The following ZCCHC7 variants were observed in gnomAD, a reference collection of about 807,000 sequenced individuals.
ZCCHC7 encodes zinc finger CCHC-type containing 7.
A neutral mutation model predicts 52.0 loss-of-function variants in ZCCHC7; 35 were observed. The observed-to-expected ratio is 0.67, with a 90% CI of 0.51 to 0.89. The LOEUF is 0.89. Ranked by LOEUF, ZCCHC7 falls within the 40% of genes least tolerant of loss-of-function variation. The pLI, the probability that ZCCHC7 is intolerant of heterozygous loss-of-function variation, is 0.00. For missense variants in ZCCHC7, 574 were observed against 649.1 expected, an observed-to-expected ratio of 0.88 and a Z score of 1.26; for synonymous variants, 217 against 221.5, an observed-to-expected ratio of 0.98 and a Z score of 0.18.
In ZCCHC7 at chr9:37,335,707, A is replaced by G. The variant is rs1054433963; in HGVS notation, c.987+7873A>G. 2.0e-5 allele frequency among the ~76,000 whole-genome samples: 3 copies of G among 152,116 alleles called. 1 individual carries two copies. In the South Asian group the frequency reaches 6.2e-4, roughly 31 times the overall value. ...GACCTCTTTACTCTGTCTCCTAACA[A>G]TGTTTCCTTCTTATATTTATTGAAG... On this transcript the variant is annotated intron_variant, in intron 6 of 8. Coordinates refer to ENST00000336755, the MANE Select transcript of ZCCHC7 (RefSeq NM_032226.3).
intron 5 of ZCCHC7, among the ~76,000 whole-genome samples, chr9:37,306,171 G>A (rs993163100): frequency 1.3e-5 from 2 of 151,896 alleles, no homozygotes; most frequent in Admixed American, 6.6e-5. Flanking sequence ...GGGTTCCAGC[G>A]ATTCTCCTGC....
intron 2 of ZCCHC7, among the ~76,000 whole-genome samples, chr9:37,279,809 T>G (rs943930980): frequency 1.3e-5 from 2 of 152,026 alleles, no homozygotes; most frequent in African/African-American, 2.4e-5. Flanking sequence ...AGTAGTCATA[T>G]TAATCAGGTA....
chr9:37,185,383 TTAAA>T (rs1051476307), intron 2 of ZCCHC7, among the ~76,000 whole-genome samples: 3 of 152,248 alleles, frequency 2.0e-5, no homozygotes, highest in African/African-American at 4.8e-5. Context: ...TTTAGAGCCT[TTAAA>T]TAAATAAGAT....
At chr9:37,228,631 A>G (rs940996392) in intron 2 of ZCCHC7, among the ~76,000 whole-genome samples, 1 of 151,932 alleles carries the variant, frequency 6.6e-6, no homozygotes, top group African/African-American at 2.4e-5. Flanking sequence ...GCCTTCCCAA[A>G]GTGCTGTGAT....
chr9:37,127,033 G>GT (rs1165333829), intron 2 of ZCCHC7, 91 bp downstream of exon 2: 3 of 1,446,760 alleles, frequency 2.1e-6, no homozygotes, highest in East Asian at 4.6e-5. Flanking sequence ...GGTCTACTCC[G>GT]TTTAATTCCT....
At chr9:37,134,772 C>T (rs151249342) in intron 2 of ZCCHC7, among the ~76,000 whole-genome samples, 102 of 152,302 alleles carry the variant, frequency 6.7e-4, no homozygotes, top group African/African-American at 2.4e-3. Flanking sequence ...GTTGCCCAGG[C>T]TGGAGTGCAA....
Position 37,316,499 on chromosome 9 carries a change from A to G in ZCCHC7, c.951+10785A>G, listed in dbSNP as rs1829829586. On this transcript the variant is annotated intron_variant, in intron 5 of 8. Coordinates refer to ENST00000336755, the MANE Select transcript of ZCCHC7 (RefSeq NM_032226.3). ...ACTACCCTGCCCAGCTGCTTTTTCT[A>G]TTTTTAGTACAGATGGGGTTTCGCC... 2.0e-5 allele frequency among the ~76,000 whole-genome samples: 3 copies of G among 148,064 alleles called. No homozygotes were observed. In the East Asian group the frequency reaches 5.9e-4, roughly 29 times the overall value.
chr9:37,213,195 C>A (rs973856780), intron 2 of ZCCHC7, among the ~76,000 whole-genome samples: 1 of 152,112 alleles, frequency 6.6e-6, no homozygotes, highest in African/African-American at 2.4e-5. Context: ...TGAGCTTCAA[C>A]TTTTTTTGAA....
At chr9:37,190,466 A>T (rs1822962281) in intron 2 of ZCCHC7, among the ~76,000 whole-genome samples, 1 of 152,186 alleles carries the variant, frequency 6.6e-6, no homozygotes, top group Admixed American at 6.5e-5. Flanking sequence ...GGGGAAAAAT[A>T]CTAAATCATC....
At chr9:37,220,385 A>G (rs550923573) in intron 2 of ZCCHC7, among the ~76,000 whole-genome samples, 16 of 152,234 alleles carry the variant, frequency 1.1e-4, no homozygotes, top group African/African-American at 3.6e-4. Context: ...TACCAAAAAT[A>G]TAAAAAATTA....
At chr9:37,278,690 T>G (rs1170948166) in intron 2 of ZCCHC7, among the ~76,000 whole-genome samples, 1 of 152,142 alleles carries the variant, frequency 6.6e-6, no homozygotes, top group African/African-American at 2.4e-5. Context: ...AATAAAAATC[T>G]TATAAATAGT....
At chr9:37,194,600 A>G (rs1392622072) in intron 2 of ZCCHC7, among the ~76,000 whole-genome samples, 1 of 152,160 alleles carries the variant, frequency 6.6e-6, no homozygotes, top group Non-Finnish European at 1.5e-5. Flanking sequence ...TAAGTGATGT[A>G]TTGATGATTT....
intron 2 of ZCCHC7, among the ~76,000 whole-genome samples, chr9:37,239,958 A>G (rs1171499762): frequency 6.6e-6 from 1 of 152,118 alleles, no homozygotes; most frequent in Admixed American, 6.6e-5. Context: ...TTCAGTAGAC[A>G]TTAAAATAAA....
chr9:37,180,264 A>T (rs1207255735), intron 2 of ZCCHC7, among the ~76,000 whole-genome samples: 2 of 152,130 alleles, frequency 1.3e-5, no homozygotes, highest in African/African-American at 2.4e-5. Context: ...TTAAGTGAAA[A>T]CTTCCTTTTA....
intron 2 of ZCCHC7, among the ~76,000 whole-genome samples, chr9:37,244,023 A>G (rs1825980316): frequency 6.6e-6 from 1 of 151,856 alleles, no homozygotes; most frequent in African/African-American, 2.4e-5. Flanking sequence ...ACTTCATTAA[A>G]CAATAAGGAT....
intron 2 of ZCCHC7, among the ~76,000 whole-genome samples, chr9:37,176,443 C>T (rs1822036059): frequency 6.6e-6 from 1 of 152,068 alleles, no homozygotes; most frequent in Admixed American, 6.5e-5. Context: ...ATTGTTGCTT[C>T]AGTACAGAAA....
intron 2 of ZCCHC7, among the ~76,000 whole-genome samples, chr9:37,288,820 A>C (rs149688404): frequency 2.9e-4 from 44 of 152,216 alleles, no homozygotes; most frequent in Middle Eastern, 3.4e-3. Context: ...TTACTCCTAA[A>C]TTCTTGCTCA....
chr9:37,253,824 T>G (rs1826446328), intron 2 of ZCCHC7, among the ~76,000 whole-genome samples: 1 of 151,998 alleles, frequency 6.6e-6, no homozygotes, highest in East Asian at 1.9e-4. Context: ...AGTTTAAAGT[T>G]GACTCTTTAA....
chr9:37,356,413 G>A (rs1212063103), intron 8 of ZCCHC7, among the ~76,000 whole-genome samples: 1 of 152,218 alleles, frequency 6.6e-6, no homozygotes, highest in African/African-American at 2.4e-5. Context: ...ACTATGGCCA[G>A]GCCTTATCTT....
Sources: allele counts gnomAD v4.1 joint callset (sites outside exome capture counted in the v4.1 genomes callset), GRCh38; gene constraint gnomAD v4.1.1; transcripts MANE v1.5; gene names NCBI Gene and HGNC (gene_info 2026-07-23, HGNC 2026-07-21).